CAMK2G: variants seen among roughly 807,000 people sequenced by gnomAD.
CAMK2G encodes the protein calcium/calmodulin dependent protein kinase II gamma.
Under a neutral mutation model 88.7 loss-of-function variants are expected in CAMK2G, and 23 were observed. That is an observed-to-expected ratio of 0.26 (90% CI 0.19 to 0.37). CAMK2G has a LOEUF of 0.37. Ranked by LOEUF, CAMK2G falls within the 10% of genes least tolerant of loss-of-function variation. The probability of loss-of-function intolerance (pLI) is 1.00; values close to 1 mark genes in which losing one functional copy is unlikely to be tolerated. For synonymous variants in CAMK2G, 263 were observed against 294.8 expected (o/e 0.89, Z 1.11); for missense variants, 476 against 780.8 (o/e 0.61, Z 4.65).
At chr10:73,852,513 G>A (rs138341622) in intron 4 of CAMK2G, 194 bp from the exon 5 acceptor site, 10 of 573,120 alleles carry the variant, frequency 1.7e-5, no homozygotes, top group African/African-American at 5.6e-5. Flanking sequence ...ATCATGGGCC[G>A]TCCCTTCCTT....
rs182588196 is a variant in CAMK2G, at chr10:73,815,925, A to G, written c.1535-678T>C. 219 of 937,818 alleles carry G rather than the reference A, an allele frequency of 2.3e-4. 1 individual carries two copies. Among genetic ancestry groups the G allele is most frequent in the Admixed American group, 2.0e-3 (32 of 15,932 alleles). The allele number at this position is 937,818 out of a possible 1,614,324, so 58.1% of individuals were successfully genotyped here. A position where few individuals can be genotyped will look rare whatever the true frequency, so the allele number is the denominator to read the frequency against. On this transcript the variant is annotated intron_variant, in intron 21 of 22. Coordinates refer to ENST00000423381, the MANE Select transcript of CAMK2G (RefSeq NM_001367534.1). ...CACATTTTAGTTCAATTCAAATGTT[A>G]GACAGGGGCTACATGACACCTTCCT...
chr10:73,854,963 G>A (rs1248264152), intron 3 of CAMK2G, among the ~76,000 whole-genome samples: 1 of 152,118 alleles, frequency 6.6e-6, no homozygotes, highest in East Asian at 1.9e-4. Context: ...ATCAAAGGCA[G>A]GTGATACTTC....
chr10:73,854,410 G>C (rs2135234817), intron 3 of CAMK2G, among the ~76,000 whole-genome samples: 1 of 152,266 alleles, frequency 6.6e-6, no homozygotes, highest in Admixed American at 6.5e-5. Context: ...CAACCCCTGA[G>C]CATCATTCTA....
intron 2 of CAMK2G, among the ~76,000 whole-genome samples, chr10:73,866,428 C>T (rs2095595910): frequency 6.6e-6 from 1 of 152,088 alleles, no homozygotes; most frequent in Non-Finnish European, 1.5e-5. Context: ...CCATGGCCCT[C>T]TCAGGGATGG....
At chr10:73,815,487 T>C (rs1472401976) in intron 21 of CAMK2G, among the ~76,000 whole-genome samples, 1 of 151,640 alleles carries the variant, frequency 6.6e-6, no homozygotes, top group Non-Finnish European at 1.5e-5. Flanking sequence ...CCTGCTGCGC[T>C]TTTAATCAGG....
intron 22 of CAMK2G, 105 bp downstream of exon 22, chr10:73,814,898 G>A (rs1161726214): frequency 2.6e-5 from 19 of 718,876 alleles, no homozygotes; most frequent in South Asian, 7.0e-5. Flanking sequence ...CCTCTGGGAC[G>A]GCCCACACCT....
In CAMK2G at chr10:73,813,428, C is replaced by T. The variant is rs2084626833; in HGVS notation, c.*1090G>A. 6.5e-6 allele frequency: 1 copy of T among 152,682 alleles called. No homozygotes were observed. The highest frequency in any genetic ancestry group is 2.4e-5 in the African/African-American group (1 of 41,434). The allele number at this position is 152,682 out of a possible 1,614,324, so 9.5% of individuals were successfully genotyped here. On this transcript the variant is annotated 3_prime_UTR_variant, in exon 23 of 23. Transcript: ENST00000423381. ...AGGAAGAATAAGAAGGGAGGCAGCC[C>T]CAAAGGCAGCCTGAATGCATAGAAA...
intron 2 of CAMK2G, among the ~76,000 whole-genome samples, chr10:73,867,291 GA>G (rs1336487057): frequency 6.6e-6 from 1 of 152,232 alleles, no homozygotes; most frequent in African/African-American, 2.4e-5. Flanking sequence ...AGCTTTGACA[GA>G]GAAAATCCCC....
chr10:73,860,290 C>A (rs1175445253), intron 3 of CAMK2G, among the ~76,000 whole-genome samples: 1 of 152,156 alleles, frequency 6.6e-6, no homozygotes, highest in Non-Finnish European at 1.5e-5. Flanking sequence ...TCTTTTTTCT[C>A]CTTCCCCATC....
chr10:73,827,624 T>C (rs1241517401), intron 15 of CAMK2G, among the ~76,000 whole-genome samples: 2 of 152,024 alleles, frequency 1.3e-5, no homozygotes, highest in Non-Finnish European at 2.9e-5. Context: ...CTAGAGAGAA[T>C]GGGATTTGCA....
At chr10:73,824,813 A>G (rs1401404634) in intron 16 of CAMK2G, among the ~76,000 whole-genome samples, 1 of 152,232 alleles carries the variant, frequency 6.6e-6, no homozygotes, top group Non-Finnish European at 1.5e-5. Context: ...TGGAGACCTC[A>G]GCACCATCCA....
intron 2 of CAMK2G, among the ~76,000 whole-genome samples, chr10:73,864,782 G>A (rs2095523684): frequency 1.3e-5 from 2 of 152,072 alleles, no homozygotes; most frequent in African/African-American, 4.8e-5. Context: ...AGCTGGGACT[G>A]CAGGCGCCCA....
rs138637556 is a variant in CAMK2G at position 73,848,679 on chromosome 10, T to C, written c.518-70A>G. ...TCTCGTTAAATCCACACCAGCCATT[T>C]CCCCCAAGTCCCATCTTATTCCTGC... On this transcript the variant is annotated intron_variant, in intron 7 of 22. Transcript: ENST00000423381. This position sits in a 1 kb window ranked among gnomAD's most constrained non-coding sequence, Gnocchi z 4.5. 303 of 837,374 alleles carry C rather than the reference T, an allele frequency of 3.6e-4. 1 individual carries two copies. The African/African-American group carries it at 4.8e-3, about 13-fold the overall frequency. 51.9% of individuals were successfully genotyped at this position (837,374 alleles called of 1,614,324 possible).
chr10:73,869,812 G>A (rs1445616739), intron 2 of CAMK2G, among the ~76,000 whole-genome samples: 1 of 152,190 alleles, frequency 6.6e-6, no homozygotes, highest in Non-Finnish European at 1.5e-5. Flanking sequence ...TCAAAACACT[G>A]TTTCCGGTAG....
In CAMK2G at chr10:73,849,076, C is replaced by T; in HGVS notation, c.454G>A (p.Ala152Thr). 12 of 1,614,050 alleles carry T rather than the reference C, an allele frequency of 7.4e-6. No individual in the cohort carries two copies. Among genetic ancestry groups the T allele is most frequent in the Non-Finnish European group, 1.0e-5 (12 of 1,179,964 alleles). ...AGGCCAAAATCAGCCAGCTTGACGG[C>T]GGCACCCTTGCATTTACTCGCCAGC... ...LLLASKCKGA[A>T]VKLADFGLAI... is the part of the protein sequence containing the mutation. The change falls in exon 7 of 23, where the codon GCC becomes ACC. Residue 152 changes from alanine to threonine, a missense_variant. Coordinates refer to ENST00000423381, the MANE Select transcript of CAMK2G (RefSeq NM_001367534.1).
At position 73,812,586 on chromosome 10, in the gene CAMK2G, CAA is replaced by C. The variant is rs1565114331; in HGVS notation, c.*1930_*1931del. ...ATGAAGGGTCTACCAACATTCAGAA[CAA>C]ACACTATTTTTAAATTATTTCTATG... On this transcript the variant is annotated 3_prime_UTR_variant, in exon 23 of 23. Transcript: ENST00000423381. The C allele has an allele frequency of 1.7e-4, 26 of 152,626 alleles. No homozygotes were observed. The allele number at this position is 152,626 out of a possible 1,614,324, so 9.5% of individuals were successfully genotyped here.
chr10:73,830,779 A>G (rs1418371033), intron 14 of CAMK2G, among the ~76,000 whole-genome samples: 4 of 152,238 alleles, frequency 2.6e-5, no homozygotes, highest in Non-Finnish European at 5.9e-5. Context: ...AGAAATCTAA[A>G]TAGAAGCTAA....
At chr10:73,873,358 A>G in intron 1 of CAMK2G, 1 of 1,322,730 alleles carries the variant, frequency 7.6e-7, no homozygotes, top group Non-Finnish European at 9.7e-7. Context: ...GCTGCACATC[A>G]GGAGCGGGTG....
At chr10:73,835,510 C>G (rs1179056812) in intron 14 of CAMK2G, among the ~76,000 whole-genome samples, 1 of 150,186 alleles carries the variant, frequency 6.7e-6, no homozygotes, top group Non-Finnish European at 1.5e-5. Flanking sequence ...AGGCTGGTCT[C>G]AAACTCCTGG....
Sources: allele counts gnomAD v4.1 joint callset (sites outside exome capture counted in the v4.1 genomes callset), GRCh38; gene constraint gnomAD v4.1.1; non-coding constraint Gnocchi (gnomAD v3.1); transcripts MANE v1.5; gene names NCBI Gene and HGNC (gene_info 2026-07-23, HGNC 2026-07-21).